The following EFHD1 variants were observed in gnomAD, a reference collection of about 807,000 sequenced individuals.
The protein encoded by EFHD1 is EF-hand domain-containing protein D1.
EFHD1 carries 10 observed loss-of-function variants against 17.2 expected under a neutral mutation model. The ratio of observed to expected loss-of-function variants is 0.58; its 90% CI spans 0.36 to 0.99. The LOEUF (loss-of-function observed/expected upper bound fraction) is 0.99. EFHD1 is among the 50% of genes least tolerant of loss of function. EFHD1 has a pLI of 0.01. For synonymous variants in EFHD1, 153 were observed against 142.0 expected (o/e 1.08, Z -0.55); for missense variants, 310 against 327.5 (o/e 0.95, Z 0.41).
intron 1 of EFHD1, among the ~76,000 whole-genome samples, chr2:232,619,048 C>T (rs1693975539): frequency 6.6e-6 from 1 of 151,780 alleles, no homozygotes; most frequent in African/African-American, 2.4e-5. Context: ...ACTCCGGAGG[C>T]CGAGGCAGGA....
chr2:232,624,659 T>C (rs1480164526), intron 1 of EFHD1, among the ~76,000 whole-genome samples: 3 of 152,240 alleles, frequency 2.0e-5, no homozygotes, highest in Non-Finnish European at 4.4e-5. Flanking sequence ...TGTGAATCAC[T>C]TTAAGGGTTT....
At chr2:232,631,656 T>C (rs963885677), upstream of EFHD1, among the ~76,000 whole-genome samples, 1 of 148,604 alleles carries the variant, frequency 6.7e-6, no homozygotes, top group African/African-American at 2.5e-5. Flanking sequence ...TTGAACTTTT[T>C]CTTTCTTGAG....
intron 2 of EFHD1, among the ~76,000 whole-genome samples, chr2:232,664,270 C>T (rs1694928375): frequency 4.6e-5 from 7 of 151,882 alleles, no homozygotes; most frequent in Admixed American, 4.6e-4. Flanking sequence ...TCTTGAGTAG[C>T]TGGGACTACA....
chr2:232,681,991 T>C lies in EFHD1; in HGVS notation c.*272T>C. On this transcript the variant is annotated 3_prime_UTR_variant, in exon 4 of 4. Coordinates refer to ENST00000264059, the MANE Select transcript of EFHD1 (RefSeq NM_025202.4). ...CAGAACTTGTATCTTCTCAGCAACC[T>C]TCACTTTGTCCTTGTCCCTTTACCA... 1 of 403,504 alleles carries C rather than the reference T, an allele frequency of 2.5e-6. No individual in the cohort carries two copies. The highest frequency in any genetic ancestry group is 4.4e-6 in the Non-Finnish European group (1 of 225,902). 25.0% of individuals were successfully genotyped at this position (403,504 alleles called of 1,614,324 possible).
At chr2:232,627,070 T>TC (rs1694120157) in intron 1 of EFHD1, among the ~76,000 whole-genome samples, 1 of 136,996 alleles carries the variant, frequency 7.3e-6, no homozygotes, top group Admixed American at 7.8e-5. Flanking sequence ...ATATATTTTT[T>TC]TTTTTTTTTA....
chr2:232,663,030 T>C (rs896243620), intron 2 of EFHD1, 81 bp downstream of exon 2: 76 of 1,439,208 alleles, frequency 5.3e-5, no homozygotes, highest in Non-Finnish European at 6.3e-5. Context: ...GGAGCACAAA[T>C]GGGTTTGGCC....
intron 1 of EFHD1, among the ~76,000 whole-genome samples, chr2:232,627,068 T>A (rs866967110): frequency 2.7e-3 from 342 of 127,712 alleles, no homozygotes; most frequent in African/African-American, 4.0e-3. Context: ...ATATATATTT[T>A]TTTTTTTTTT....
chr2:232,608,797 G>A (rs1693763176), intron 1 of EFHD1, among the ~76,000 whole-genome samples: 1 of 152,040 alleles, frequency 6.6e-6, no homozygotes, highest in African/African-American at 2.4e-5. Context: ...GGGTGTGGTG[G>A]CTCATGCCGG....
intron 3 of EFHD1, among the ~76,000 whole-genome samples, chr2:232,677,632 A>G (rs1695203578): frequency 6.6e-6 from 1 of 152,110 alleles, no homozygotes; most frequent in African/African-American, 2.4e-5. Flanking sequence ...CTGAATTGGG[A>G]GGAACACTTG....
At chr2:232,654,374 C>T (rs1431528179) in intron 1 of EFHD1, among the ~76,000 whole-genome samples, 6 of 150,472 alleles carry the variant, frequency 4.0e-5, no homozygotes, top group East Asian at 3.9e-4. Flanking sequence ...CCTCTCAGTT[C>T]GAACCCCAGA....
intron 1 of EFHD1, among the ~76,000 whole-genome samples, chr2:232,621,010 G>A (rs1694008692): frequency 1.3e-5 from 2 of 152,130 alleles, no homozygotes; most frequent in South Asian, 4.1e-4. Flanking sequence ...TGAAGGGGAG[G>A]AAGAGCTGAG....
At chr2:232,674,790 A>T (rs1268170785) in intron 3 of EFHD1, among the ~76,000 whole-genome samples, 1 of 152,102 alleles carries the variant, frequency 6.6e-6, no homozygotes, top group East Asian at 1.9e-4. Flanking sequence ...ATGAATGGGG[A>T]TTCACCTTGT....
chr2:232,640,220 G>A (rs1022518356), intron 1 of EFHD1, among the ~76,000 whole-genome samples: 5 of 152,190 alleles, frequency 3.3e-5, no homozygotes, highest in African/African-American at 4.8e-5. Flanking sequence ...CAGAGGTTCT[G>A]TGGTACCCCT....
intron 1 of EFHD1, among the ~76,000 whole-genome samples, chr2:232,613,625 C>T (rs111465366): frequency 1.3e-3 from 154 of 120,164 alleles, no homozygotes; most frequent in African/African-American, 4.4e-3. Flanking sequence ...CACACACACA[C>T]ACACACATAT....
chr2:232,655,963 T>C (rs943113704), intron 1 of EFHD1, among the ~76,000 whole-genome samples: 1 of 152,068 alleles, frequency 6.6e-6, no homozygotes, highest in Non-Finnish European at 1.5e-5. Flanking sequence ...CCTGCCACCA[T>C]GCCCGGCTCT....
At position 232,642,150 on chromosome 2, in the gene EFHD1, C is replaced by A. The variant is rs560300082; in HGVS notation, c.302+8144C>A. Among the ~76,000 whole-genome samples the A allele has an allele frequency of 2.6e-4, 39 of 151,966 alleles. No individual in the cohort carries two copies. In the South Asian group the frequency reaches 7.1e-3, roughly 28 times the overall value. Reference sequence around the variant, plus strand: ...CTGTAATCCCAGCACTTTGGGAGGCCGAGGTGGGTGGATCACAAGGTCAGG... The same window carrying A: ...CTGTAATCCCAGCACTTTGGGAGGCAGAGGTGGGTGGATCACAAGGTCAGG... On this transcript the variant is annotated intron_variant, in intron 1 of 3. Coordinates refer to ENST00000264059, the MANE Select transcript of EFHD1 (RefSeq NM_025202.4).
intron 1 of EFHD1, among the ~76,000 whole-genome samples, chr2:232,608,582 A>G (rs1019583088): frequency 6.6e-6 from 1 of 152,168 alleles, no homozygotes; most frequent in African/African-American, 2.4e-5. Flanking sequence ...AGCCAATTGT[A>G]CTTGGGAAAA....
At chr2:232,654,305 C>G (rs534092025) in intron 1 of EFHD1, among the ~76,000 whole-genome samples, 8 of 151,712 alleles carry the variant, frequency 5.3e-5, no homozygotes, top group Non-Finnish European at 8.8e-5. Context: ...TTTTGTTAGG[C>G]CTGGAGAACG....
At chr2:232,650,291 CTTTTTTTT>C (rs869070386) in intron 1 of EFHD1, among the ~76,000 whole-genome samples, 2 of 126,774 alleles carry the variant, frequency 1.6e-5, no homozygotes, top group African/African-American at 5.9e-5. Flanking sequence ...TCTGGGTTGC[CTTTTTTTT>C]TTTTTTTTTT....
Sources: gnomAD v4.1 joint callset for allele counts (sites outside exome capture counted in the v4.1 genomes callset) on GRCh38, gnomAD v4.1.1 for gene constraint, MANE v1.5 for transcripts, NCBI Gene and HGNC (gene_info 2026-07-23, HGNC 2026-07-21) for gene names.